The following ASAP2 variants were observed in gnomAD, a reference collection of about 807,000 sequenced individuals.
ASAP2 encodes the protein ArfGAP with SH3 domain, ankyrin repeat and PH domain 2.
ASAP2 carries 45 observed loss-of-function variants against 131.4 expected under a neutral mutation model. The ratio of observed to expected loss-of-function variants is 0.34; its 90% CI spans 0.27 to 0.44. The LOEUF is 0.44. Among genes scored for constraint, ASAP2 ranks in the 20% least tolerant of loss-of-function variants. The pLI is 1.00. For synonymous variants in ASAP2, 510 were observed against 503.0 expected (o/e 1.01, Z -0.19); for missense variants, 1,011 against 1,297.0 (o/e 0.78, Z 3.39).
chr2:9,207,296 C>G lies in ASAP2; in HGVS notation c.126+66C>G. On this transcript the variant is annotated intron_variant, in intron 1 of 27. Coordinates refer to ENST00000281419, the MANE Select transcript of ASAP2 (RefSeq NM_003887.3). This position sits in a 1 kb window ranked among gnomAD's most constrained non-coding sequence, Gnocchi z 4.1. The stretch of plus-strand genomic sequence containing the variant: ...GCGCCCCAGCCCCGCCCGCCGCTCC[C>G]GCATCCGCATCCCGAGAAAACTTTC... 3 of 1,455,714 alleles carry G rather than the reference C, an allele frequency of 2.1e-6. No individual in the cohort carries two copies. The highest frequency in any genetic ancestry group is 2.7e-6 in the Non-Finnish European group (3 of 1,107,432). The allele number at this position is 1,455,714 out of a possible 1,614,324, so 90.2% of individuals were successfully genotyped here.
At chr2:9,277,073 C>T (rs1655669346) in intron 1 of ASAP2, among the ~76,000 whole-genome samples, 1 of 152,182 alleles carries the variant, frequency 6.6e-6, no homozygotes. Context: ...GGCCCAGATT[C>T]TGCGAGAGTG....
chr2:9,358,682 A>G (rs1490611399), intron 14 of ASAP2, 74 bp from the exon 15 acceptor site: 2 of 1,537,196 alleles, frequency 1.3e-6, no homozygotes, highest in East Asian at 4.5e-5. Flanking sequence ...TTCAGTAACT[A>G]TGCAGGAAGA....
intron 1 of ASAP2, among the ~76,000 whole-genome samples, chr2:9,243,845 T>C (rs1229165026): frequency 6.6e-6 from 1 of 152,224 alleles, no homozygotes; most frequent in Non-Finnish European, 1.5e-5. Flanking sequence ...GGGACCGATA[T>C]AAGTAATTAG....
intron 24 of ASAP2, among the ~76,000 whole-genome samples, chr2:9,394,399 C>T (rs149961030): frequency 6.6e-6 from 1 of 152,010 alleles, no homozygotes; most frequent in Admixed American, 6.6e-5. Context: ...CTCCTGACCT[C>T]GTGATCCACC....
At chr2:9,255,599 C>T (rs1338078985) in intron 1 of ASAP2, among the ~76,000 whole-genome samples, 2 of 152,150 alleles carry the variant, frequency 1.3e-5, no homozygotes, top group Non-Finnish European at 2.9e-5. Context: ...CAGATGGTGT[C>T]GTCAGAGATT....
chr2:9,382,117 C>T (rs950280411), intron 20 of ASAP2, among the ~76,000 whole-genome samples: 3 of 151,456 alleles, frequency 2.0e-5, no homozygotes, highest in Non-Finnish European at 2.9e-5. Flanking sequence ...CTGAGTAACT[C>T]GGATTACAGG....
rs1470020774 is a variant in ASAP2, at chr2:9,404,234, T to TTCTA, written c.*908_*911dup. The TTCTA allele has an allele frequency of 6.6e-6, 1 of 152,236 alleles. No individual in the cohort carries two copies. The highest frequency in any genetic ancestry group is 2.4e-5 in the African/African-American group (1 of 41,458). 9.4% of individuals were successfully genotyped at this position (152,236 alleles called of 1,614,324 possible). On this transcript the variant is annotated 3_prime_UTR_variant, in exon 28 of 28. Transcript: ENST00000281419. ...CTACTGAGTGTACCACTGCCTTCCC[T>TTCTA]TCTAGCCCAGGAGAATGTTTACTCA...
At chr2:9,276,493 T>G (rs945188255) in intron 1 of ASAP2, among the ~76,000 whole-genome samples, 1 of 152,200 alleles carries the variant, frequency 6.6e-6, no homozygotes, top group Admixed American at 6.5e-5. Context: ...TTATAGTGCC[T>G]GGGCTGGGAC....
intron 1 of ASAP2, among the ~76,000 whole-genome samples, chr2:9,231,277 C>T (rs1397965060): frequency 6.6e-6 from 1 of 152,190 alleles, no homozygotes; most frequent in Non-Finnish European, 1.5e-5. Flanking sequence ...CTTGACTCCT[C>T]ACCAGGTTTT....
rs1354368015 is a variant in ASAP2, at chr2:9,253,168, TTGTTTC to T, written c.127-26143_127-26138del. Among the ~76,000 whole-genome samples, 370 of 152,236 alleles carry T rather than the reference TTGTTTC, an allele frequency of 2.4e-3. 2 individuals are homozygous for T. The highest frequency in any genetic ancestry group is 8.3e-3 in the African/African-American group (344 of 41,536). On this transcript the variant is annotated intron_variant, in intron 1 of 27. Transcript: ENST00000281419. ...CAATAAAATTCACCAGTTTTTGTTT[TTGTTTC>T]TGTTTTTTTAAACAGTTTCACTCTT...
chr2:9,309,945 T>C (rs1669193340), intron 3 of ASAP2, among the ~76,000 whole-genome samples: 1 of 152,164 alleles, frequency 6.6e-6, no homozygotes, highest in African/African-American at 2.4e-5. Context: ...CTCACACACA[T>C]GTTGTAGGCC....
At position 9,335,300 on chromosome 2, in the gene ASAP2, C is replaced by A; in HGVS notation, c.849+121C>A. The A allele has an allele frequency of 6.5e-6, 5 of 773,282 alleles. No individual in the cohort carries two copies. In the South Asian group the frequency reaches 8.1e-5, roughly 13 times the overall value. 47.9% of individuals were successfully genotyped at this position (773,282 alleles called of 1,614,324 possible). A position where few individuals can be genotyped will look rare whatever the true frequency, so the allele number is the denominator to read the frequency against. On this transcript the variant is annotated intron_variant, in intron 9 of 27. Coordinates refer to ENST00000281419, the MANE Select transcript of ASAP2 (RefSeq NM_003887.3). ...CAGTTCACTCGGGCTGTGTCAGGCA[C>A]CAGTAAAACATTTAATGTATTCTTG...
At chr2:9,344,450 G>A in intron 9 of ASAP2, 82 bp from the exon 10 acceptor site, 1 of 1,141,020 alleles carries the variant, frequency 8.8e-7, no homozygotes, top group Non-Finnish European at 1.3e-6. Flanking sequence ...AAACACATTA[G>A]GCATAAGTTT....
At chr2:9,397,776 T>TTTTGAAG (rs1676283086) in intron 24 of ASAP2, among the ~76,000 whole-genome samples, 1 of 129,568 alleles carries the variant, frequency 7.7e-6, no homozygotes, top group Non-Finnish European at 1.6e-5. Context: ...TTTTTTTTTT[T>TTTTGAAG]GAGACGGAGT....
intron 1 of ASAP2, among the ~76,000 whole-genome samples, chr2:9,231,833 C>A (rs574541636): frequency 5.9e-5 from 9 of 152,356 alleles, no homozygotes; most frequent in Non-Finnish European, 1.3e-4. Context: ...CCTGGCCCTT[C>A]CCTGCAGCAG....
chr2:9,369,280 A>G (rs1007336228), intron 16 of ASAP2, among the ~76,000 whole-genome samples: 3 of 152,126 alleles, frequency 2.0e-5, no homozygotes, highest in Non-Finnish European at 2.9e-5. Flanking sequence ...CAGCCTCCCA[A>G]AGTGCTGGGA....
At chr2:9,295,924 G>A (rs1187553541) in intron 2 of ASAP2, among the ~76,000 whole-genome samples, 2 of 152,206 alleles carry the variant, frequency 1.3e-5, no homozygotes, top group Non-Finnish European at 2.9e-5. Context: ...TTGGCTCAGG[G>A]TCCAGGACTG....
intron 3 of ASAP2, among the ~76,000 whole-genome samples, chr2:9,306,980 G>A (rs913399640): frequency 6.6e-6 from 1 of 152,096 alleles, no homozygotes; most frequent in Admixed American, 6.5e-5. Context: ...TAGTGTGTAG[G>A]AGCCCCAGGC....
chr2:9,283,308 C>T (rs572601851), intron 2 of ASAP2, among the ~76,000 whole-genome samples: 6 of 152,292 alleles, frequency 3.9e-5, no homozygotes, highest in Middle Eastern at 3.4e-3. Flanking sequence ...GAGCTTCTGA[C>T]CTCAAGTGAT....
Sources: gnomAD v4.1 joint callset for allele counts (sites outside exome capture counted in the v4.1 genomes callset) on GRCh38, gnomAD v4.1.1 for gene constraint, Gnocchi (gnomAD v3.1) non-coding constraint, MANE v1.5 for transcripts, NCBI Gene and HGNC (gene_info 2026-07-23, HGNC 2026-07-21) for gene names.